Variants in SHC3 observed in about 807,000 individuals in gnomAD.
SHC3 encodes the protein SHC adaptor protein 3.
SHC3 carries 15 observed loss-of-function variants against 60.4 expected under a neutral mutation model. The observed-to-expected ratio is 0.25, with a 90% confidence interval of 0.17 to 0.38. The LOEUF (loss-of-function observed/expected upper bound fraction) is 0.38, where lower values mean the gene tolerates loss of function less well. SHC3 is among the 10% of genes least tolerant of loss of function. The pLI is 1.00. For synonymous variants in SHC3, 294 were observed against 325.9 expected, an observed-to-expected ratio of 0.90 and a Z score of 1.05; for missense variants, 677 against 786.1, an observed-to-expected ratio of 0.86 and a Z score of 1.66.
At chr9:89,121,222 A>T (rs1457454291) in intron 1 of SHC3, among the ~76,000 whole-genome samples, 1 of 152,080 alleles carries the variant, frequency 6.6e-6, no homozygotes, top group African/African-American at 2.4e-5. Flanking sequence ...CCACATATGC[A>T]CTCACCCAAA....
At chr9:89,132,995 T>A (rs1429754027) in intron 1 of SHC3, among the ~76,000 whole-genome samples, 2 of 152,050 alleles carry the variant, frequency 1.3e-5, no homozygotes, top group Non-Finnish European at 2.9e-5. Context: ...GGAGAAAATT[T>A]TTACAATCTA....
intron 2 of SHC3, among the ~76,000 whole-genome samples, chr9:89,103,504 C>G (rs191305380): frequency 2.6e-5 from 4 of 152,260 alleles, no homozygotes; most frequent in Non-Finnish European, 5.9e-5. Flanking sequence ...AAGACATGTC[C>G]AGGAGGCTAG....
intron 2 of SHC3, among the ~76,000 whole-genome samples, chr9:89,084,453 G>A (rs1825495555): frequency 6.6e-6 from 1 of 152,134 alleles, no homozygotes; most frequent in African/African-American, 2.4e-5. Context: ...AAGCTCTTGG[G>A]ATTACTAAGA....
In SHC3 at chr9:89,045,831, A is replaced by C. The variant is rs759137391; in HGVS notation, c.1116T>G (p.Phe372Leu). ...PRPHAPDTAQ[F>L]AGKEQTYYQG... ...GGTAATAAGTCTGCTCTTTTCCTGC[A>C]AACTATAGACACATGTAAATACACA... Residue 372 changes from phenylalanine (F) to leucine (L), a missense_variant and splice_region_variant, in exon 9 of 12, where the codon TTT becomes TTG. By Grantham distance (22) the Phe-to-Leu change is conservative. Coordinates refer to ENST00000375835, the MANE Select transcript of SHC3 (RefSeq NM_016848.6). 2 of 1,613,968 alleles carry C rather than the reference A, an allele frequency of 1.2e-6. No individual in the cohort carries two copies. The highest frequency in any genetic ancestry group is 1.7e-6 in the Non-Finnish European group (2 of 1,179,886).
At chr9:89,142,622 A>T (rs545182542) in intron 1 of SHC3, among the ~76,000 whole-genome samples, 2 of 147,290 alleles carry the variant, frequency 1.4e-5, no homozygotes, top group South Asian at 4.7e-4. Flanking sequence ...AGGAGGTTGC[A>T]GTGAGATCGC....
intron 1 of SHC3, among the ~76,000 whole-genome samples, chr9:89,113,666 T>A (rs557663864): frequency 5.3e-5 from 8 of 152,314 alleles, no homozygotes; most frequent in East Asian, 1.9e-4. Context: ...CACTAAGATA[T>A]GTGAAGACCA....
chr9:89,114,784 T>C (rs372520418), intron 1 of SHC3, among the ~76,000 whole-genome samples: 6 of 152,274 alleles, frequency 3.9e-5, no homozygotes, highest in East Asian at 3.9e-4. Context: ...ACCCCCACCA[T>C]TGTTGCAGAG....
chr9:89,100,691 A>G (rs1825770322), intron 2 of SHC3, among the ~76,000 whole-genome samples: 1 of 152,168 alleles, frequency 6.6e-6, no homozygotes, highest in African/African-American at 2.4e-5. Context: ...TTCTTTCTCT[A>G]TAGTTTTACC....
rs1173368857 is a variant in SHC3, at chr9:89,127,213, T to G, written c.475-14587A>C. 3.9e-5 allele frequency among the ~76,000 whole-genome samples: 6 copies of G among 152,164 alleles called. No homozygotes were observed. In the East Asian group the frequency reaches 1.2e-3, roughly 29 times the overall value. On this transcript the variant is annotated intron_variant, in intron 1 of 11. Coordinates refer to ENST00000375835, the MANE Select transcript of SHC3 (RefSeq NM_016848.6). ...GATATCTGTGTGACCTTTGTCATTT[T>G]TTAAATTCTCTTCCCCTCCATGATG...
chr9:89,159,545 C>T (rs1054132580), intron 1 of SHC3, among the ~76,000 whole-genome samples: 5 of 152,114 alleles, frequency 3.3e-5, no homozygotes, highest in Admixed American at 6.5e-5. Flanking sequence ...TATTAGTCAG[C>T]GTTCTCTAGA....
rs1464581504 is a variant in SHC3 at position 89,140,541 on chromosome 9, C to G, written c.475-27915G>C. ...GTATTTCCCAATAACTGCCATTAGC[C>G]ATCTCCAAAAGTATATTTCCTACCT... On this transcript the variant is annotated intron_variant, in intron 1 of 11. Coordinates refer to ENST00000375835, the MANE Select transcript of SHC3 (RefSeq NM_016848.6). Among the ~76,000 whole-genome samples, 4 of 152,212 alleles carry G rather than the reference C, an allele frequency of 2.6e-5. No homozygotes were observed. The East Asian group carries it at 7.7e-4, about 29-fold the overall frequency.
chr9:89,146,722 G>A (rs1159037659), intron 1 of SHC3, among the ~76,000 whole-genome samples: 4 of 152,116 alleles, frequency 2.6e-5, no homozygotes, highest in Non-Finnish European at 5.9e-5. Context: ...TAGTTTAAAC[G>A]TGTGCATTAA....
At chr9:89,026,565 G>A (rs1295060115) in intron 11 of SHC3, among the ~76,000 whole-genome samples, 1 of 152,198 alleles carries the variant, frequency 6.6e-6, no homozygotes, top group Admixed American at 6.5e-5. Context: ...AAATCAAGCT[G>A]TAGCTTGACC....
intron 1 of SHC3, among the ~76,000 whole-genome samples, chr9:89,176,052 T>A (rs866712790): frequency 6.6e-6 from 1 of 152,186 alleles, no homozygotes; most frequent in African/African-American, 2.4e-5. Flanking sequence ...CACAGCACCA[T>A]TCATGGCTGC....
chr9:89,170,191 T>C (rs1223654316), intron 1 of SHC3, among the ~76,000 whole-genome samples: 2 of 152,202 alleles, frequency 1.3e-5, no homozygotes, highest in Non-Finnish European at 2.9e-5. Context: ...GGATTCGACA[T>C]GGTACAGCAC....
chr9:89,082,740 A>G (rs1005006614), intron 2 of SHC3, among the ~76,000 whole-genome samples: 3 of 152,042 alleles, frequency 2.0e-5, no homozygotes, highest in Non-Finnish European at 2.9e-5. Context: ...TGCCCCACGG[A>G]CCCCAGGCAA....
At chr9:89,120,205 A>G (rs1826073651) in intron 1 of SHC3, among the ~76,000 whole-genome samples, 1 of 152,208 alleles carries the variant, frequency 6.6e-6, no homozygotes, top group Non-Finnish European at 1.5e-5. Flanking sequence ...ACAAGACCTA[A>G]AACTCAAAGG....
intron 1 of SHC3, among the ~76,000 whole-genome samples, chr9:89,166,755 G>A (rs1826795389): frequency 6.6e-6 from 1 of 152,118 alleles, no homozygotes; most frequent in East Asian, 1.9e-4. Flanking sequence ...AAGAGAGAGG[G>A]CTTCAAGTGG....
chr9:89,087,012 G>A (rs1564131960), intron 2 of SHC3, among the ~76,000 whole-genome samples: 1 of 152,058 alleles, frequency 6.6e-6, no homozygotes, highest in African/African-American at 2.4e-5. Flanking sequence ...GTGATTGCAC[G>A]TCCTCCTCAC....
Sources: gnomAD v4.1 joint callset for allele counts (sites outside exome capture counted in the v4.1 genomes callset) on GRCh38, gnomAD v4.1.1 for gene constraint, MANE v1.5 for transcripts, NCBI Gene and HGNC (gene_info 2026-07-23, HGNC 2026-07-21) for gene names.